Variants in TSPAN18 observed in about 807,000 individuals in gnomAD.
TSPAN18 encodes tetraspanin 18, also known as tetraspanin-18.
In TSPAN18, 14 loss-of-function variants were observed where a neutral mutation model predicts 27.3. The ratio of observed to expected loss-of-function variants is 0.51; its 90% CI spans 0.34 to 0.80. TSPAN18 has a LOEUF of 0.80. TSPAN18 is among the 30% of genes least tolerant of loss of function. The probability of loss-of-function intolerance (pLI) is 0.01; values close to 1 mark genes in which losing one functional copy is unlikely to be tolerated. For synonymous variants in TSPAN18, 143 were observed against 136.5 expected (o/e 1.05, Z -0.33); for missense variants, 268 against 323.9 (o/e 0.83, Z 1.32).
Position 44,890,699 on chromosome 11 carries a change from C to T in TSPAN18, c.-10-15708C>T, listed in dbSNP as rs960005294. Among the ~76,000 whole-genome samples the T allele has an allele frequency of 5.4e-5, 8 of 147,004 alleles. No homozygotes were observed. In the South Asian group the frequency reaches 1.1e-3, roughly 20 times the overall value. On this transcript the variant is annotated intron_variant, in intron 3 of 9. Coordinates refer to ENST00000520358, the MANE Select transcript of TSPAN18 (RefSeq NM_130783.5). ...GGAACCCAGGAGTGAGCCGAGATCA[C>T]GCCACTGCACTCCAGCCTTGGCAAC...
intron 2 of TSPAN18, among the ~76,000 whole-genome samples, chr11:44,786,326 A>G (rs58022198): frequency 0.034 from 5,160 of 152,274 alleles, 315 homozygotes; most frequent in African/African-American, 0.12. Context: ...TGCCTGCCCC[A>G]GGCCTCCTCA....
At chr11:44,762,153 A>T (rs1855468006) in intron 1 of TSPAN18, among the ~76,000 whole-genome samples, 1 of 152,196 alleles carries the variant, frequency 6.6e-6, no homozygotes. Context: ...TTGCATGAAC[A>T]TTTCTACACC....
rs573974135 is a variant in TSPAN18, at chr11:44,740,364, A to G, written c.-240+13077A>G. 2.0e-5 allele frequency among the ~76,000 whole-genome samples: 3 copies of G among 152,004 alleles called. No individual in the cohort carries two copies. The East Asian group carries it at 5.8e-4, about 30-fold the overall frequency. The stretch of plus-strand genomic sequence containing the variant: ...AGATCAAAGGGCTTTTTGTTGTTTT[A>G]TTTTCCTTTCCAGAGCCTTCTTGCT... On this transcript the variant is annotated intron_variant, in intron 1 of 9. Coordinates refer to ENST00000520358, the MANE Select transcript of TSPAN18 (RefSeq NM_130783.5).
intron 3 of TSPAN18, among the ~76,000 whole-genome samples, chr11:44,897,536 G>T (rs1230960009): frequency 2.0e-5 from 3 of 152,190 alleles, no homozygotes; most frequent in African/African-American, 7.2e-5. Flanking sequence ...ACCTGCAAAG[G>T]CACCCAGGAG....
At chr11:44,875,372 AAAC>A (rs1412515839) in intron 3 of TSPAN18, among the ~76,000 whole-genome samples, 2 of 152,228 alleles carry the variant, frequency 1.3e-5, no homozygotes, top group Non-Finnish European at 1.5e-5. Context: ...ATTTATCCTC[AAAC>A]AATACTCTCT....
chr11:44,734,768 G>A (rs1854747626), intron 1 of TSPAN18, among the ~76,000 whole-genome samples: 1 of 152,210 alleles, frequency 6.6e-6, no homozygotes, highest in Admixed American at 6.5e-5. Context: ...GGGTGTTGCT[G>A]AGAGAGGCTC....
Position 44,919,322 on chromosome 11 carries a change from G to T in TSPAN18, c.432+10G>T, listed in dbSNP as rs11038214. 1.2e-6 allele frequency: 2 copies of T among 1,608,614 alleles called. No individual in the cohort carries two copies. The highest frequency in any genetic ancestry group is 1.1e-5 in the South Asian group (1 of 90,954). On this transcript the variant is annotated intron_variant, in intron 7 of 9. Coordinates refer to ENST00000520358, the MANE Select transcript of TSPAN18 (RefSeq NM_130783.5). ...CTCGGTCATGATCACAGTGAGTGACGCCCCAGAGATGCTATGAACATTCAG... is the reference window on the plus strand; with the variant it reads ...CTCGGTCATGATCACAGTGAGTGACTCCCCAGAGATGCTATGAACATTCAG...
rs1289546802 is a variant in TSPAN18 at position 44,810,724 on chromosome 11, G to A, written c.-153+46212G>A. ...GGGCTGGAGCCATCCTCCCACCTCAGCCTCCCAAGTAGCTGGGACTGCAGG... is the reference window on the plus strand; with the variant it reads ...GGGCTGGAGCCATCCTCCCACCTCAACCTCCCAAGTAGCTGGGACTGCAGG... On this transcript the variant is annotated intron_variant, in intron 2 of 9. Coordinates refer to ENST00000520358, the MANE Select transcript of TSPAN18 (RefSeq NM_130783.5). 2.0e-5 allele frequency among the ~76,000 whole-genome samples: 3 copies of A among 150,824 alleles called. No individual in the cohort carries two copies. The Admixed American group carries it at 2.0e-4, about 10-fold the overall frequency.
At chr11:44,775,016 G>C (rs1855772277) in intron 2 of TSPAN18, among the ~76,000 whole-genome samples, 1 of 152,158 alleles carries the variant, frequency 6.6e-6, no homozygotes, top group African/African-American at 2.4e-5. Flanking sequence ...TGGCCTTACA[G>C]TTTGTGAGAT....
At chr11:44,832,062 A>C (rs1857165795) in intron 2 of TSPAN18, among the ~76,000 whole-genome samples, 1 of 152,156 alleles carries the variant, frequency 6.6e-6, no homozygotes, top group African/African-American at 2.4e-5. Context: ...TCACTCCCCT[A>C]ACTGGAAAAT....
chr11:44,727,870 G>T lies in TSPAN18; in HGVS notation c.-240+583G>T, dbSNP rs1854555203. Among the ~76,000 whole-genome samples, 4 of 152,156 alleles carry T rather than the reference G, an allele frequency of 2.6e-5. No homozygotes were observed. The South Asian group carries it at 8.3e-4, about 32-fold the overall frequency. On this transcript the variant is annotated intron_variant, in intron 1 of 9. Transcript: ENST00000520358. ...GGTGTGTGCGGTTTGGGGAAGTGGA[G>T]ACTCCATGGAGTGCTGGGTGGGTGG...
Position 44,929,182 on chromosome 11 carries a change from G to A in TSPAN18, c.*4G>A. On this transcript the variant is annotated 3_prime_UTR_variant, in exon 10 of 10. Coordinates refer to ENST00000520358, the MANE Select transcript of TSPAN18 (RefSeq NM_130783.5). Reference sequence around the variant, plus strand: ...CCTCTTCCGGGGCATCCAGTAGAGGGTATGGCCTGAAGCCTGAAGACTCGC... The same window carrying A: ...CCTCTTCCGGGGCATCCAGTAGAGGATATGGCCTGAAGCCTGAAGACTCGC... The A allele has an allele frequency of 6.2e-7, 1 of 1,613,576 alleles. No individual in the cohort carries two copies. The highest frequency in any genetic ancestry group is 8.5e-7 in the Non-Finnish European group (1 of 1,180,032).
At chr11:44,796,590 T>C (rs1479402381) in intron 2 of TSPAN18, among the ~76,000 whole-genome samples, 2 of 152,156 alleles carry the variant, frequency 1.3e-5, no homozygotes, top group African/African-American at 4.8e-5. Context: ...GAACCCAGCA[T>C]GTCAAAGTAG....
chr11:44,799,498 C>T (rs1478134792), intron 2 of TSPAN18, among the ~76,000 whole-genome samples: 1 of 152,218 alleles, frequency 6.6e-6, no homozygotes, highest in Non-Finnish European at 1.5e-5. Context: ...GTTAGCCCTC[C>T]AAGTAAGGGA....
At chr11:44,816,186 CACTGGACTGAAAAGG>C (rs1856815192) in intron 2 of TSPAN18, among the ~76,000 whole-genome samples, 1 of 152,146 alleles carries the variant, frequency 6.6e-6, no homozygotes, top group Admixed American at 6.5e-5. Flanking sequence ...GCTGCCAAGG[CACTGGACTGAAAAGG>C]TGCACGGAGC....
chr11:44,741,182 G>A (rs534709687), intron 1 of TSPAN18, among the ~76,000 whole-genome samples: 20 of 152,294 alleles, frequency 1.3e-4, no homozygotes, highest in African/African-American at 3.6e-4. Flanking sequence ...AATAAATTAA[G>A]AGCCAAAGAG....
intron 5 of TSPAN18, chr11:44,917,601 C>T (rs559002354): frequency 3.1e-4 from 54 of 174,488 alleles, no homozygotes; most frequent in African/African-American, 1.2e-3. Context: ...TCTCGCAGCC[C>T]GTACAACCTA....
At chr11:44,906,298 C>A in intron 3 of TSPAN18, 109 bp from the exon 4 acceptor site, 1 of 960,160 alleles carries the variant, frequency 1.0e-6, no homozygotes. Context: ...CATCTTCTTC[C>A]AGCCTTTGCA....
intron 5 of TSPAN18, among the ~76,000 whole-genome samples, chr11:44,915,772 A>C (rs1590685417): frequency 6.6e-6 from 1 of 152,206 alleles, no homozygotes; most frequent in Non-Finnish European, 1.5e-5. Context: ...AGAGCTCTGC[A>C]CCTGTGGAGT....
Sources: gnomAD v4.1 joint callset for allele counts (sites outside exome capture counted in the v4.1 genomes callset) on GRCh38, gnomAD v4.1.1 for gene constraint, MANE v1.5 for transcripts, NCBI Gene and HGNC (gene_info 2026-07-23, HGNC 2026-07-21) for gene names.